PRRX1: variants seen among roughly 807,000 people sequenced by gnomAD.
PRRX1 encodes the protein paired related homeobox 1.
In PRRX1, 8 loss-of-function variants were observed where a neutral mutation model predicts 24.0. The observed-to-expected ratio is 0.33, with a 90% confidence interval of 0.20 to 0.60. The LOEUF (loss-of-function observed/expected upper bound fraction) is 0.60. PRRX1 is among the 20% of genes least tolerant of loss of function. The pLI, the probability that PRRX1 is intolerant of heterozygous loss-of-function variation, is 0.82. For synonymous variants in PRRX1, 160 were observed against 131.7 expected (o/e 1.22, Z -1.47); for missense variants, 281 against 322.4 (o/e 0.87, Z 0.98).
At position 170,691,485 on chromosome 1, in the gene PRRX1, CCTTTCCTTT is replaced by C. The variant is rs1491418471; in HGVS notation, c.241+27028_241+27036del. ...CCTTTCCTTTCCTTTCCTTTCCTTT[CCTTTCCTTT>C]CCTTTCCTTTCCTTTCCTTCCTTCT... is the stretch of plus-strand genomic sequence containing the variant. On this transcript the variant is annotated intron_variant, in intron 1 of 3. Coordinates refer to ENST00000239461, the MANE Select transcript of PRRX1 (RefSeq NM_022716.4). Among the ~76,000 whole-genome samples, 5 of 147,004 alleles carry C rather than the reference CCTTTCCTTT, an allele frequency of 3.4e-5. No homozygotes were observed. In the South Asian group the frequency reaches 1.1e-3, roughly 33 times the overall value.
chr1:170,681,487 A>G (rs1653504575), intron 1 of PRRX1, among the ~76,000 whole-genome samples: 1 of 126,948 alleles, frequency 7.9e-6, no homozygotes, highest in African/African-American at 3.3e-5. Flanking sequence ...AGAAAATGTT[A>G]TCTTTGCAAA....
intron 3 of PRRX1, among the ~76,000 whole-genome samples, chr1:170,731,560 C>T (rs1408575372): frequency 6.6e-6 from 1 of 152,162 alleles, no homozygotes; most frequent in African/African-American, 2.4e-5. Context: ...CCATACGTTT[C>T]CTGGCTTTAA....
At chr1:170,682,181 A>G (rs1653568392) in intron 1 of PRRX1, among the ~76,000 whole-genome samples, 1 of 152,124 alleles carries the variant, frequency 6.6e-6, no homozygotes, top group African/African-American at 2.4e-5. Flanking sequence ...TTACTGGTAT[A>G]GGACCAAAAT....
chr1:170,665,379 C>A (rs566448511), intron 1 of PRRX1, among the ~76,000 whole-genome samples: 12 of 152,336 alleles, frequency 7.9e-5, no homozygotes, highest in African/African-American at 2.9e-4. Context: ...GCAATTGTAT[C>A]CCCATGCCCC....
At chr1:170,692,868 C>G (rs933410379) in intron 1 of PRRX1, among the ~76,000 whole-genome samples, 3 of 151,932 alleles carry the variant, frequency 2.0e-5, no homozygotes, top group Non-Finnish European at 4.4e-5. Flanking sequence ...AGCCCTTGAC[C>G]CTGAGGTGTC....
chr1:170,676,786 CTGGTGAAA>C (rs1653333323), intron 1 of PRRX1, among the ~76,000 whole-genome samples: 1 of 152,080 alleles, frequency 6.6e-6, no homozygotes, highest in Admixed American at 6.5e-5. Context: ...GCATTATTAT[CTGGTGAAA>C]TCATACTGAG....
At chr1:170,692,940 A>G (rs1187040605) in intron 1 of PRRX1, among the ~76,000 whole-genome samples, 2 of 152,070 alleles carry the variant, frequency 1.3e-5, no homozygotes, top group African/African-American at 4.8e-5. Flanking sequence ...TGACAGCCTT[A>G]TTGCTTTTCA....
intron 3 of PRRX1, among the ~76,000 whole-genome samples, chr1:170,735,830 T>C (rs1361455407): frequency 6.6e-6 from 1 of 152,198 alleles, no homozygotes; most frequent in Non-Finnish European, 1.5e-5. Context: ...TTCCTCACTC[T>C]ACACCACTTT....
At chr1:170,717,283 T>C (rs1654934098) in intron 1 of PRRX1, among the ~76,000 whole-genome samples, 2 of 152,314 alleles carry the variant, frequency 1.3e-5, no homozygotes, top group South Asian at 4.1e-4. Flanking sequence ...GAGTTGGTGG[T>C]TTATGGTAGA....
intron 1 of PRRX1, among the ~76,000 whole-genome samples, chr1:170,689,048 G>T (rs1653841533): frequency 6.6e-6 from 1 of 152,012 alleles, no homozygotes; most frequent in African/African-American, 2.4e-5. Flanking sequence ...TTTTCTTCAG[G>T]AATTATTGAT....
chr1:170,688,573 T>C lies in PRRX1; in HGVS notation c.241+24114T>C, dbSNP rs186252471. On this transcript the variant is annotated intron_variant, in intron 1 of 3. Transcript: ENST00000239461. ...TTTAAAAGGTATGAATATTGACTTA[T>C]TTAAATAAAAACATTTAAATAAACC... Among the ~76,000 whole-genome samples the C allele has an allele frequency of 2.0e-5, 3 of 152,254 alleles. No individual in the cohort carries two copies. In the East Asian group the frequency reaches 5.8e-4, roughly 29 times the overall value.
At chr1:170,686,161 G>T (rs1270611547) in intron 1 of PRRX1, among the ~76,000 whole-genome samples, 1 of 123,798 alleles carries the variant, frequency 8.1e-6, no homozygotes, top group East Asian at 2.2e-4. Context: ...AAGCCTGATA[G>T]ATCCTTAGTT....
chr1:170,664,857 C>A (rs1215458174), intron 1 of PRRX1, among the ~76,000 whole-genome samples: 3 of 152,248 alleles, frequency 2.0e-5, no homozygotes, highest in African/African-American at 7.2e-5. Context: ...TTTGGGAAAG[C>A]AGCAGGTTAA....
At chr1:170,733,231 T>C (rs1655495338) in intron 3 of PRRX1, among the ~76,000 whole-genome samples, 1 of 152,302 alleles carries the variant, frequency 6.6e-6, no homozygotes. Context: ...AAAACGGTTA[T>C]GCAATAGACA....
At chr1:170,665,433 TG>T (rs1558040799) in intron 1 of PRRX1, among the ~76,000 whole-genome samples, 2 of 152,196 alleles carry the variant, frequency 1.3e-5, no homozygotes, top group Non-Finnish European at 2.9e-5. Context: ...CCAGGTGACA[TG>T]TGGCCAGATA....
At position 170,679,500 on chromosome 1, in the gene PRRX1, T is replaced by C. The variant is rs540826349; in HGVS notation, c.241+15041T>C. Among the ~76,000 whole-genome samples the C allele has an allele frequency of 5.3e-5, 8 of 152,224 alleles. No homozygotes were observed. The South Asian group carries it at 1.0e-3, about 20-fold the overall frequency. On this transcript the variant is annotated intron_variant, in intron 1 of 3. Transcript: ENST00000239461. Reference sequence around the variant, plus strand: ...CTGCAAGCTCCACCTCCCAGGTTCATGCCATTCTCCTGCCTTAGCCTCCCT... The same window carrying C: ...CTGCAAGCTCCACCTCCCAGGTTCACGCCATTCTCCTGCCTTAGCCTCCCT...
intron 1 of PRRX1, among the ~76,000 whole-genome samples, chr1:170,716,692 G>T (rs1654918783): frequency 1.3e-5 from 2 of 152,098 alleles, no homozygotes; most frequent in Non-Finnish European, 2.9e-5. Flanking sequence ...ATATCCAGTT[G>T]GATGTCAGTA....
intron 3 of PRRX1, chr1:170,728,662 T>C (rs772364365): frequency 1.9e-4 from 29 of 152,216 alleles, no homozygotes; most frequent in Non-Finnish European, 3.4e-4. Context: ...TCTTCAGATA[T>C]AAGCAGAAAA....
rs1655625646 is a variant in PRRX1 at position 170,736,858 on chromosome 1, A to G, written c.*672A>G. ...CTGCGTCTGGCTAATTCTAAGCACT[A>G]AAGTCTACATCTAAGCTATAGATTT... On this transcript the variant is annotated 3_prime_UTR_variant, in exon 4 of 4. Transcript: ENST00000239461. 5.1e-6 allele frequency: 1 copy of G among 195,890 alleles called. No individual in the cohort carries two copies. The highest frequency in any genetic ancestry group is 1.9e-4 in the South Asian group (1 of 5,196). The allele number at this position is 195,890 out of a possible 1,614,324, so 12.1% of individuals were successfully genotyped here. A position where few individuals can be genotyped will look rare whatever the true frequency, so the allele number is the denominator to read the frequency against.
Sources: allele counts gnomAD v4.1 joint callset (sites outside exome capture counted in the v4.1 genomes callset), GRCh38; gene constraint gnomAD v4.1.1; transcripts MANE v1.5; gene names NCBI Gene and HGNC (gene_info 2026-07-23, HGNC 2026-07-21).